Variants in FCHSD2 observed in about 807,000 individuals in gnomAD.
FCHSD2 encodes the protein FCH and double SH3 domains 2, also known as F-BAR and double SH3 domains protein 2.
FCHSD2 carries 38 observed loss-of-function variants against 108.1 expected under a neutral mutation model. The observed-to-expected ratio is 0.35, with a 90% CI of 0.27 to 0.46. The LOEUF (loss-of-function observed/expected upper bound fraction) is 0.46. Among genes scored for constraint, FCHSD2 ranks in the 20% least tolerant of loss-of-function variants. The probability of loss-of-function intolerance (pLI) is 1.00; values close to 1 mark genes in which losing one functional copy is unlikely to be tolerated. For synonymous variants in FCHSD2, 279 were observed against 314.7 expected, an observed-to-expected ratio of 0.89 and a Z score of 1.20; for missense variants, 751 against 897.8, an observed-to-expected ratio of 0.84 and a Z score of 2.09.
rs1374541090 is a variant in FCHSD2 at position 72,836,982 on chromosome 11, C to A, written c.*1809G>T. The A allele has an allele frequency of 6.6e-6, 1 of 152,346 alleles. No individual in the cohort carries two copies. The highest frequency in any genetic ancestry group is 1.5e-5 in the Non-Finnish European group (1 of 68,014). The allele number at this position is 152,346 out of a possible 1,614,324, so 9.4% of individuals were successfully genotyped here. A position where few individuals can be genotyped will look rare whatever the true frequency, so the allele number is the denominator to read the frequency against. ...TTCCAAAAAATATTTTAAAATACAA[C>A]AAAAGATTTCAAATAACCCTTTGAG... On this transcript the variant is annotated 3_prime_UTR_variant, in exon 20 of 20. Transcript: ENST00000409418.
chr11:73,128,141 A>G (rs771304294), intron 2 of FCHSD2, among the ~76,000 whole-genome samples: 1 of 152,168 alleles, frequency 6.6e-6, no homozygotes, highest in African/African-American at 2.4e-5. Context: ...CAAAATACAA[A>G]AACCTACTCC....
At chr11:73,058,526 T>C (rs966542376) in intron 3 of FCHSD2, among the ~76,000 whole-genome samples, 34 of 152,082 alleles carry the variant, frequency 2.2e-4, no homozygotes, top group African/African-American at 7.7e-4. Flanking sequence ...TCTTTATTTT[T>C]AACAAAACTT....
chr11:73,088,540 ACTTT>A (rs892665154), intron 2 of FCHSD2, among the ~76,000 whole-genome samples: 3 of 152,058 alleles, frequency 2.0e-5, no homozygotes, highest in African/African-American at 7.2e-5. Context: ...GGCTTCCTTT[ACTTT>A]CTTCTTTTGC....
At chr11:72,961,676 T>C (rs183084863) in intron 8 of FCHSD2, among the ~76,000 whole-genome samples, 20 of 152,348 alleles carry the variant, frequency 1.3e-4, no homozygotes, top group Non-Finnish European at 2.6e-4. Context: ...GAGCAAGTTA[T>C]TAAATATACT....
At chr11:72,856,048 T>G (rs1394364563) in intron 13 of FCHSD2, among the ~76,000 whole-genome samples, 3 of 152,220 alleles carry the variant, frequency 2.0e-5, no homozygotes, top group African/African-American at 7.2e-5. Flanking sequence ...GCACCAATGT[T>G]TACACATTTA....
At chr11:72,978,581 C>T (rs1857152157) in intron 8 of FCHSD2, among the ~76,000 whole-genome samples, 1 of 152,092 alleles carries the variant, frequency 6.6e-6, no homozygotes, top group Admixed American at 6.5e-5. Context: ...CCCCATATAT[C>T]GGGGGAGGGT....
At chr11:72,967,076 T>A (rs948417943) in intron 8 of FCHSD2, among the ~76,000 whole-genome samples, 2 of 151,894 alleles carry the variant, frequency 1.3e-5, no homozygotes, top group Non-Finnish European at 2.9e-5. Flanking sequence ...GGCGGGCACC[T>A]GTGGTCCCAG....
intron 3 of FCHSD2, among the ~76,000 whole-genome samples, chr11:73,081,497 T>G (rs1859684962): frequency 6.6e-6 from 1 of 152,160 alleles, no homozygotes; most frequent in Non-Finnish European, 1.5e-5. Flanking sequence ...TGATTTTGTA[T>G]TAAAAATTTT....
At chr11:72,910,257 C>A (rs1855734131) in intron 9 of FCHSD2, among the ~76,000 whole-genome samples, 2 of 152,152 alleles carry the variant, frequency 1.3e-5, no homozygotes, top group African/African-American at 4.8e-5. Context: ...CTCTGCCCGG[C>A]CACCCCATCT....
intron 2 of FCHSD2, among the ~76,000 whole-genome samples, chr11:73,112,307 C>T (rs1295938765): frequency 6.6e-6 from 1 of 152,152 alleles, no homozygotes; most frequent in Non-Finnish European, 1.5e-5. Flanking sequence ...TTAAACATGT[C>T]ATGTCACTCT....
chr11:73,030,439 G>A (rs1215754358), intron 3 of FCHSD2, among the ~76,000 whole-genome samples: 2 of 152,100 alleles, frequency 1.3e-5, no homozygotes, highest in Non-Finnish European at 2.9e-5. Flanking sequence ...ATCCAAGTGA[G>A]TATATAGTTT....
At chr11:73,041,524 GTCTT>G (rs1180650264) in intron 3 of FCHSD2, among the ~76,000 whole-genome samples, 1 of 152,114 alleles carries the variant, frequency 6.6e-6, no homozygotes, top group Non-Finnish European at 1.5e-5. Flanking sequence ...CCATGTATAT[GTCTT>G]TTTTTGAGAA....
intron 8 of FCHSD2, among the ~76,000 whole-genome samples, chr11:72,930,438 T>G (rs1054234315): frequency 1.8e-4 from 27 of 152,214 alleles, no homozygotes. Context: ...GAGATTCATC[T>G]CTATATTTTC....
intron 3 of FCHSD2, among the ~76,000 whole-genome samples, chr11:73,067,289 C>G (rs1859318359): frequency 2.6e-5 from 4 of 152,054 alleles, no homozygotes; most frequent in Admixed American, 2.6e-4. Flanking sequence ...AATGAGAACT[C>G]ATGGACATAG....
rs376844755 is a variant in FCHSD2, at chr11:73,003,529, C to T, written c.243-2395G>A. 2.5e-3 allele frequency among the ~76,000 whole-genome samples: 371 copies of T among 148,954 alleles called. 2 individuals are homozygous for T. Among genetic ancestry groups the T allele is most frequent in the African/African-American group, 9.0e-3 (358 of 39,756 alleles). ...TGAGACGGAGTCTTGCTCTGTCGCC[C>T]AGGCTGGAGTGCAGTGGCGGGATCT... On this transcript the variant is annotated intron_variant, in intron 4 of 19. Transcript: ENST00000409418.
chr11:73,119,286 G>A lies in FCHSD2; in HGVS notation c.119+20745C>T, dbSNP rs542629670. 4.7e-5 allele frequency among the ~76,000 whole-genome samples: 7 copies of A among 148,912 alleles called. No individual in the cohort carries two copies. The South Asian group carries it at 1.5e-3, about 31-fold the overall frequency. ...CCATTGCATTCCAGCCTGCACAACA[G>A]AGCGAGACTCTGCCTCAAAAAAAAA... On this transcript the variant is annotated intron_variant, in intron 2 of 19. Coordinates refer to ENST00000409418, the MANE Select transcript of FCHSD2 (RefSeq NM_014824.3).
chr11:72,893,680 G>A (rs1327790367), intron 10 of FCHSD2, among the ~76,000 whole-genome samples: 1 of 151,596 alleles, frequency 6.6e-6, no homozygotes, highest in South Asian at 2.1e-4. Flanking sequence ...TGGTGGCGCC[G>A]GAGGTTGCAG....
chr11:72,938,894 T>C (rs556528301), intron 8 of FCHSD2, among the ~76,000 whole-genome samples: 95 of 152,330 alleles, frequency 6.2e-4, no homozygotes, highest in Middle Eastern at 3.4e-3. Flanking sequence ...TGAGTTGCAC[T>C]CTAAAGCTGA....
intron 3 of FCHSD2, among the ~76,000 whole-genome samples, chr11:73,028,885 C>T (rs1858293361): frequency 6.6e-6 from 1 of 152,138 alleles, no homozygotes; most frequent in Non-Finnish European, 1.5e-5. Flanking sequence ...GCCTTGCTTC[C>T]CCTTTGCCTT....
Sources: gnomAD v4.1 joint callset for allele counts (sites outside exome capture counted in the v4.1 genomes callset) on GRCh38, gnomAD v4.1.1 for gene constraint, MANE v1.5 for transcripts, NCBI Gene and HGNC (gene_info 2026-07-23, HGNC 2026-07-21) for gene names.